Variants in GPAT3 observed in about 807,000 individuals in gnomAD.
The protein encoded by GPAT3 is glycerol-3-phosphate acyltransferase 3.
In GPAT3, 53 loss-of-function variants were observed where a neutral mutation model predicts 58.8. That is an observed-to-expected ratio of 0.90 (90% CI 0.72 to 1.13). The LOEUF is 1.13. GPAT3 is among the 50% of genes most tolerant of loss of function. GPAT3 has a pLI of 0.00. For synonymous variants in GPAT3, 197 were observed against 187.4 expected (o/e 1.05, Z -0.42); for missense variants, 511 against 527.6 (o/e 0.97, Z 0.31).
chr4:83,589,738 T>A (rs961156346), intron 5 of GPAT3, among the ~76,000 whole-genome samples: 5 of 152,164 alleles, frequency 3.3e-5, no homozygotes, highest in Non-Finnish European at 7.3e-5. Flanking sequence ...CTCATCACAC[T>A]ACCTAGAGAT....
chr4:83,562,768 A>G (rs1179239738), intron 2 of GPAT3, among the ~76,000 whole-genome samples: 2 of 151,546 alleles, frequency 1.3e-5, no homozygotes, highest in East Asian at 3.9e-4. Flanking sequence ...AGCAGAGAAA[A>G]TGGAAACAGA....
At chr4:83,549,465 GTGTATGTATA>G (rs899885809) in intron 2 of GPAT3, among the ~76,000 whole-genome samples, 5 of 120,468 alleles carry the variant, frequency 4.2e-5, no homozygotes, top group African/African-American at 1.8e-4. Context: ...GTGTGTGTGT[GTGTATGTATA>G]TATATATGAA....
At chr4:83,571,190 T>C (rs112364742) in intron 2 of GPAT3, among the ~76,000 whole-genome samples, 3 of 152,312 alleles carry the variant, frequency 2.0e-5, no homozygotes, top group African/African-American at 7.2e-5. Context: ...ATAATACCAA[T>C]AGTTTGTTTA....
intron 1 of GPAT3, 93 bp downstream of exon 1, chr4:83,536,856 G>A (rs1383594925): frequency 1.5e-5 from 18 of 1,222,778 alleles, no homozygotes; most frequent in South Asian, 4.2e-5. Context: ...CGAGTCAGGG[G>A]TGTGTGTGCG....
intron 1 of GPAT3, among the ~76,000 whole-genome samples, chr4:83,537,161 C>A (rs1350829083): frequency 6.6e-6 from 1 of 152,130 alleles, no homozygotes; most frequent in Non-Finnish European, 1.5e-5. Flanking sequence ...TTCAGAGGTC[C>A]TTTTGTGTAC....
intron 3 of GPAT3, among the ~76,000 whole-genome samples, chr4:83,582,940 T>C (rs985226333): frequency 2.0e-5 from 3 of 152,198 alleles, no homozygotes; most frequent in Non-Finnish European, 4.4e-5. Flanking sequence ...TCGTGTACTC[T>C]GGGAGTGTAC....
At chr4:83,564,650 G>A (rs1360769227) in intron 2 of GPAT3, among the ~76,000 whole-genome samples, 1 of 151,800 alleles carries the variant, frequency 6.6e-6, no homozygotes, top group Non-Finnish European at 1.5e-5. Flanking sequence ...AGTGAGCTGC[G>A]ATCACACCAC....
chr4:83,593,373 C>T (rs1726683637), intron 6 of GPAT3, among the ~76,000 whole-genome samples: 1 of 151,834 alleles, frequency 6.6e-6, no homozygotes. Context: ...ACCATGTTGG[C>T]CAGGCTGGGC....
At chr4:83,577,788 CTTTTTTTTTTT>C (rs1185047521) in intron 2 of GPAT3, among the ~76,000 whole-genome samples, 4 of 66,688 alleles carry the variant, frequency 6.0e-5, no homozygotes, top group Non-Finnish European at 9.0e-5. Context: ...GTCATTGTGG[CTTTTTTTTTTT>C]TTTTTTTTTT....
intron 2 of GPAT3, among the ~76,000 whole-genome samples, chr4:83,579,252 C>T (rs1283777020): frequency 7.4e-6 from 1 of 135,034 alleles, no homozygotes; most frequent in African/African-American, 2.8e-5. Context: ...TCTCCCTTTC[C>T]CTTCCCTTCC....
At position 83,536,759 on chromosome 4, in the gene GPAT3, TA is replaced by T. The variant is rs754931752; in HGVS notation, c.138del (p.Glu47SerfsTer62). ...TACATGAAGATCCTAGTGAAAACTTTAGAGGTGAGTGCCGGGAGGGATGCAG... is the reference window on the plus strand; with the variant it reads ...TACATGAAGATCCTAGTGAAAACTTTGAGGTGAGTGCCGGGAGGGATGCAG... ...EIYMKILVKT[L>X]EWATIRIEKG... On this transcript the variant is annotated frameshift_variant, in exon 1 of 12. Coordinates refer to ENST00000264409, the MANE Select transcript of GPAT3 (RefSeq NM_032717.5). LOFTEE classifies it high-confidence loss of function. 4 of 1,609,428 alleles carry T rather than the reference TA, an allele frequency of 2.5e-6. No homozygotes were observed. In the South Asian group the frequency reaches 4.4e-5, roughly 18 times the overall value.
chr4:83,579,066 C>CT (rs1560621262), intron 2 of GPAT3, among the ~76,000 whole-genome samples: 1 of 38,430 alleles, frequency 2.6e-5, no homozygotes, highest in South Asian at 1.2e-3. Context: ...TTCTTTCTTT[C>CT]TTTCTTTCTT....
At chr4:83,537,105 T>C (rs1358923529) in intron 1 of GPAT3, among the ~76,000 whole-genome samples, 1 of 152,236 alleles carries the variant, frequency 6.6e-6, no homozygotes, top group African/African-American at 2.4e-5. Flanking sequence ...ATATCCATTA[T>C]GCAGTGCAGT....
At chr4:83,541,175 A>C (rs9654153) in intron 1 of GPAT3, among the ~76,000 whole-genome samples, 1 of 151,912 alleles carries the variant, frequency 6.6e-6, no homozygotes, top group Non-Finnish European at 1.5e-5. Flanking sequence ...AGGGTTTTCT[A>C]GTGCAAATTC....
chr4:83,590,766 T>C (rs930736478), intron 6 of GPAT3, among the ~76,000 whole-genome samples: 20 of 152,120 alleles, frequency 1.3e-4, no homozygotes, highest in African/African-American at 4.6e-4. Flanking sequence ...TTCTCAGTCC[T>C]TGCCCATAGC....
chr4:83,577,881 C>A (rs1288090606), intron 2 of GPAT3, among the ~76,000 whole-genome samples: 1 of 145,704 alleles, frequency 6.9e-6, no homozygotes, highest in Non-Finnish European at 1.5e-5. Flanking sequence ...CTCACTGCAA[C>A]CCTCACCTCC....
chr4:83,543,006 T>C (rs1724365523), intron 1 of GPAT3, among the ~76,000 whole-genome samples: 1 of 151,238 alleles, frequency 6.6e-6, no homozygotes, highest in Admixed American at 6.6e-5. Context: ...TCTCAAAAAG[T>C]AAAATAAAAT....
At chr4:83,577,788 C>CTTTTTTTTT in intron 2 of GPAT3, among the ~76,000 whole-genome samples, 1 of 66,714 alleles carries the variant, frequency 1.5e-5, no homozygotes. Context: ...GTCATTGTGG[C>CTTTTTTTTT]TTTTTTTTTT....
chr4:83,556,641 G>GT (rs1724951741), intron 2 of GPAT3, among the ~76,000 whole-genome samples: 1 of 151,700 alleles, frequency 6.6e-6, no homozygotes, highest in African/African-American at 2.4e-5. Flanking sequence ...AAAACTCACA[G>GT]TTAATTATGT....
Sources: allele counts gnomAD v4.1 joint callset (sites outside exome capture counted in the v4.1 genomes callset), GRCh38; gene constraint gnomAD v4.1.1; transcripts MANE v1.5; gene names NCBI Gene and HGNC (gene_info 2026-07-23, HGNC 2026-07-21).